NKAIN2: variants seen among roughly 807,000 people sequenced by gnomAD.
The protein encoded by NKAIN2 is sodium/potassium transporting ATPase interacting 2, also known as sodium/potassium-transporting ATPase subunit beta-1-interacting protein 2.
Under a neutral mutation model 32.6 loss-of-function variants are expected in NKAIN2, and 14 were observed. That is an observed-to-expected ratio of 0.43 (90% confidence interval 0.28 to 0.67). The LOEUF (loss-of-function observed/expected upper bound fraction) is 0.67. Ranked by LOEUF, NKAIN2 falls within the 30% of genes least tolerant of loss-of-function variation. NKAIN2 has a pLI of 0.17. For synonymous variants in NKAIN2, 80 were observed against 87.2 expected, an observed-to-expected ratio of 0.92 and a Z score of 0.46; for missense variants, 198 against 258.3, an observed-to-expected ratio of 0.77 and a Z score of 1.60.
intron 1 of NKAIN2, among the ~76,000 whole-genome samples, chr6:123,859,912 A>C (rs1775716296): frequency 6.6e-6 from 1 of 152,076 alleles, no homozygotes; most frequent in Non-Finnish European, 1.5e-5. Context: ...GCTGGCCTCA[A>C]ACTCCTGACC....
At chr6:124,626,641 G>A (rs962586012) in intron 3 of NKAIN2, among the ~76,000 whole-genome samples, 5 of 152,100 alleles carry the variant, frequency 3.3e-5, no homozygotes, top group Non-Finnish European at 7.4e-5. Context: ...CAAGACAACT[G>A]AAAGCCGCCC....
rs1454872623 is a variant in NKAIN2 at position 124,269,320 on chromosome 6, G to A, written c.55-13685G>A. Among the ~76,000 whole-genome samples the A allele has an allele frequency of 7.6e-4, 115 of 152,100 alleles. 2 individuals carry two copies. ...ACTAGGGTTACTTCAAAGGGCACAG[G>A]AGACATGGTATTTACCATACCAGAA... On this transcript the variant is annotated intron_variant, in intron 1 of 6. Coordinates refer to ENST00000368417, the MANE Select transcript of NKAIN2 (RefSeq NM_001040214.3).
intron 1 of NKAIN2, among the ~76,000 whole-genome samples, chr6:123,875,193 T>C (rs1405850223): frequency 6.6e-6 from 1 of 152,010 alleles, no homozygotes; most frequent in Non-Finnish European, 1.5e-5. Context: ...AATAGTTTTC[T>C]AAACACTTTT....
At chr6:124,103,692 T>G (rs1784990452) in intron 1 of NKAIN2, among the ~76,000 whole-genome samples, 2 of 152,318 alleles carry the variant, frequency 1.3e-5, no homozygotes, top group South Asian at 4.1e-4. Context: ...ATTAAAAGGT[T>G]TTTTTGTAAT....
At position 124,061,982 on chromosome 6, in the gene NKAIN2, C is replaced by T. The variant is rs556952681; in HGVS notation, c.55-221023C>T. Among the ~76,000 whole-genome samples, 3 of 152,158 alleles carry T rather than the reference C, an allele frequency of 2.0e-5. No individual in the cohort carries two copies. The East Asian group carries it at 5.8e-4, about 29-fold the overall frequency. On this transcript the variant is annotated intron_variant, in intron 1 of 6. Coordinates refer to ENST00000368417, the MANE Select transcript of NKAIN2 (RefSeq NM_001040214.3). ...AAAAGAATGTGTGTTTTAACACAAA[C>T]GTGGTGCAGAAACTGAGATATCTTT...
rs913756973 is a variant in NKAIN2 at position 123,899,833 on chromosome 6, AG to A, written c.54+95582del. Among the ~76,000 whole-genome samples, 442 of 152,304 alleles carry A rather than the reference AG, an allele frequency of 2.9e-3. 6 individuals are homozygous for A. The highest frequency in any genetic ancestry group is 0.02 in the Middle Eastern group (6 of 294). On this transcript the variant is annotated intron_variant, in intron 1 of 6. Transcript: ENST00000368417. ...ATATACCTGTTGAACACACACACAC[AG>A]GGTGCAGCCCTAGCCTCTGTAGGGT... is the stretch of plus-strand genomic sequence containing the variant.
chr6:124,500,539 A>G (rs1179210252), intron 3 of NKAIN2, among the ~76,000 whole-genome samples: 1 of 152,026 alleles, frequency 6.6e-6, no homozygotes, highest in Non-Finnish European at 1.5e-5. Context: ...CTGTGGTCTC[A>G]GCTACTCTGG....
At position 124,394,456 on chromosome 6, in the gene NKAIN2, GAGATAGATAGAT is replaced by G. The variant is rs59551274; in HGVS notation, c.273+39150_273+39161del. On this transcript the variant is annotated intron_variant, in intron 3 of 6. Transcript: ENST00000368417. The stretch of plus-strand genomic sequence containing the variant: ...TTTTCCAGAAAAACAGAATCAATAT[GAGATAGATAGAT>G]AGATAGATAGATAGATAGATAGATA... Among the ~76,000 whole-genome samples the G allele has an allele frequency of 8.1e-3, 1,168 of 143,684 alleles. 9 individuals are homozygous for G. The highest frequency in any genetic ancestry group is 0.026 in the African/African-American group (987 of 38,544). 94.3% of individuals were successfully genotyped at this position (143,684 alleles called of 152,430 possible).
At chr6:124,560,157 T>A (rs1780635565) in intron 3 of NKAIN2, among the ~76,000 whole-genome samples, 1 of 152,166 alleles carries the variant, frequency 6.6e-6, no homozygotes, top group African/African-American at 2.4e-5. Context: ...TTCCCATAAT[T>A]CACACATCTC....
chr6:124,289,306 T>C (rs1227071089), intron 2 of NKAIN2, among the ~76,000 whole-genome samples: 1 of 152,114 alleles, frequency 6.6e-6, no homozygotes, highest in Non-Finnish European at 1.5e-5. Context: ...GGCTGTTGGT[T>C]TCTAGATTGA....
intron 1 of NKAIN2, among the ~76,000 whole-genome samples, chr6:123,831,245 T>C (rs1035519084): frequency 2.6e-5 from 4 of 151,980 alleles, no homozygotes; most frequent in Admixed American, 6.6e-5. Flanking sequence ...TACTTGGCAA[T>C]TGCATTTCCT....
chr6:124,738,085 T>A (rs1228594629), intron 4 of NKAIN2, among the ~76,000 whole-genome samples: 3 of 151,916 alleles, frequency 2.0e-5, no homozygotes, highest in Admixed American at 1.3e-4. Context: ...CACCCAAGAA[T>A]CCTGGTTCCA....
chr6:124,009,562 C>T (rs73559089), intron 1 of NKAIN2, among the ~76,000 whole-genome samples: 4,810 of 152,228 alleles, frequency 0.032, 275 homozygotes, highest in African/African-American at 0.11. Flanking sequence ...TTGAGAGCTG[C>T]TGAGTGTTCA....
chr6:124,401,684 A>C (rs796774452), intron 3 of NKAIN2, among the ~76,000 whole-genome samples: 1 of 152,100 alleles, frequency 6.6e-6, no homozygotes, highest in Non-Finnish European at 1.5e-5. Flanking sequence ...CTCGTGATGC[A>C]TAACACCTTT....
chr6:124,358,123 G>T (rs1442459482), intron 3 of NKAIN2, among the ~76,000 whole-genome samples: 3 of 152,150 alleles, frequency 2.0e-5, no homozygotes, highest in East Asian at 1.9e-4. Flanking sequence ...TTTTATGGCT[G>T]CATAGTATTC....
Position 124,278,351 on chromosome 6 carries a change from G to A in NKAIN2, c.55-4654G>A, listed in dbSNP as rs112617842. ...TTCTCATGTGTAAATTGAGGAGTAT[G>A]GAGTAAAAAGTCAATAAATTTATTT... On this transcript the variant is annotated intron_variant, in intron 1 of 6. Coordinates refer to ENST00000368417, the MANE Select transcript of NKAIN2 (RefSeq NM_001040214.3). 2.3e-3 allele frequency among the ~76,000 whole-genome samples: 343 copies of A among 151,954 alleles called. 3 individuals are homozygous for A. The highest frequency in any genetic ancestry group is 7.5e-3 in the African/African-American group (310 of 41,480).
At chr6:124,063,661 A>C (rs1326093564) in intron 1 of NKAIN2, among the ~76,000 whole-genome samples, 3 of 152,152 alleles carry the variant, frequency 2.0e-5, no homozygotes, top group Non-Finnish European at 4.4e-5. Flanking sequence ...GAGGGTTCAG[A>C]CAAAAATCCA....
chr6:124,255,905 G>A (rs1582935512), intron 1 of NKAIN2, among the ~76,000 whole-genome samples: 1 of 152,230 alleles, frequency 6.6e-6, no homozygotes, highest in Non-Finnish European at 1.5e-5. Context: ...TGGTGTCTTT[G>A]GGGCATCGTT....
intron 4 of NKAIN2, among the ~76,000 whole-genome samples, chr6:124,766,726 G>A (rs1205525989): frequency 6.6e-6 from 1 of 152,100 alleles, no homozygotes; most frequent in Non-Finnish European, 1.5e-5. Flanking sequence ...TTGAGTATAT[G>A]CTTTTCCTAA....
Sources: allele counts gnomAD v4.1 joint callset (sites outside exome capture counted in the v4.1 genomes callset), GRCh38; gene constraint gnomAD v4.1.1; transcripts MANE v1.5; gene names NCBI Gene and HGNC (gene_info 2026-07-23, HGNC 2026-07-21).